PRKD1: variants seen among roughly 807,000 people sequenced by gnomAD.
PRKD1 encodes serine/threonine-protein kinase D1.
In PRKD1, 63 loss-of-function variants were observed where a neutral mutation model predicts 95.9. The ratio of observed to expected loss-of-function variants is 0.66; its 90% CI spans 0.54 to 0.81. PRKD1 has a LOEUF of 0.81. Among genes scored for constraint, PRKD1 ranks in the 30% least tolerant of loss-of-function variants. The pLI is 0.00. For missense variants in PRKD1, 1,048 were observed against 1,165.3 expected (o/e 0.90, Z 1.47); for synonymous variants, 425 against 423.1 (o/e 1.00, Z -0.05).
chr14:29,585,522 A>G (rs536159911), intron 16 of PRKD1, among the ~76,000 whole-genome samples: 2 of 152,320 alleles, frequency 1.3e-5, no homozygotes, highest in African/African-American at 4.8e-5. Flanking sequence ...AGCAGCCTCC[A>G]AACTGAAGCC....
intron 1 of PRKD1, among the ~76,000 whole-genome samples, chr14:29,869,178 C>A (rs1448117930): frequency 6.6e-6 from 1 of 152,146 alleles, no homozygotes; most frequent in Admixed American, 6.5e-5. Context: ...TGTGGTGGCT[C>A]ATGCCTGTAA....
At chr14:29,812,786 A>T (rs948982219) in intron 1 of PRKD1, among the ~76,000 whole-genome samples, 5 of 152,196 alleles carry the variant, frequency 3.3e-5, no homozygotes, top group African/African-American at 9.7e-5. Flanking sequence ...CACAGAGCCA[A>T]ACCATATCAG....
intron 1 of PRKD1, among the ~76,000 whole-genome samples, chr14:29,748,194 T>G (rs1379282736): frequency 2.6e-5 from 4 of 152,232 alleles, no homozygotes; most frequent in African/African-American, 9.6e-5. Flanking sequence ...CTATAATTTA[T>G]TGAATGTATG....
chr14:29,871,916 T>TA (rs1357635338), intron 1 of PRKD1, among the ~76,000 whole-genome samples: 3 of 152,190 alleles, frequency 2.0e-5, no homozygotes, highest in African/African-American at 7.2e-5. Context: ...CTAATCCAGT[T>TA]AAAGTGATGA....
intron 1 of PRKD1, among the ~76,000 whole-genome samples, chr14:29,923,328 G>A (rs1268184923): frequency 6.6e-6 from 1 of 151,702 alleles, no homozygotes; most frequent in African/African-American, 2.4e-5. Flanking sequence ...TATAAAATTG[G>A]AATAAAAATA....
At chr14:29,908,032 T>A (rs868491696) in intron 1 of PRKD1, among the ~76,000 whole-genome samples, 1 of 152,244 alleles carries the variant, frequency 6.6e-6, no homozygotes, top group South Asian at 2.1e-4. Context: ...TAGATATATT[T>A]CATATGTAGT....
At chr14:29,923,815 A>AC (rs1197211678) in intron 1 of PRKD1, among the ~76,000 whole-genome samples, 3 of 150,736 alleles carry the variant, frequency 2.0e-5, no homozygotes, top group Admixed American at 2.0e-4. Flanking sequence ...TTGAGGAAAA[A>AC]AAAAAAAAAA....
chr14:29,711,523 A>C (rs1214637455), intron 2 of PRKD1, among the ~76,000 whole-genome samples: 1 of 152,258 alleles, frequency 6.6e-6, no homozygotes, highest in East Asian at 1.9e-4. Context: ...AAACGGGGAG[A>C]TTCACATAAT....
At position 29,877,604 on chromosome 14, in the gene PRKD1, G is replaced by A. The variant is rs368888175; in HGVS notation, c.264+49645C>T. 2.6e-5 allele frequency among the ~76,000 whole-genome samples: 4 copies of A among 152,166 alleles called. No individual in the cohort carries two copies. In the East Asian group the frequency reaches 5.8e-4, roughly 22 times the overall value. On this transcript the variant is annotated intron_variant, in intron 1 of 17. Coordinates refer to ENST00000331968, the MANE Select transcript of PRKD1 (RefSeq NM_002742.3). ...ATGGCATTGCCAAGGTTGTCTTCCA[G>A]GGTTTTTATAGTTTTGTTTTACATT...
chr14:29,913,097 G>C (rs1002769329), intron 1 of PRKD1, among the ~76,000 whole-genome samples: 2 of 152,180 alleles, frequency 1.3e-5, no homozygotes, highest in African/African-American at 4.8e-5. Flanking sequence ...AATTCTAAAT[G>C]TTAGTTGTCT....
intron 1 of PRKD1, among the ~76,000 whole-genome samples, chr14:29,763,748 T>TA (rs879412486): frequency 6.6e-6 from 1 of 152,114 alleles, no homozygotes; most frequent in African/African-American, 2.4e-5. Flanking sequence ...ACTGAGCACT[T>TA]AAAGACTCCT....
chr14:29,898,307 G>T (rs1425029831), intron 1 of PRKD1, among the ~76,000 whole-genome samples: 7 of 151,968 alleles, frequency 4.6e-5, no homozygotes, highest in African/African-American at 1.4e-4. Context: ...TTTTTAAAAA[G>T]AATACTTTTT....
At chr14:29,664,220 C>T (rs1218115722) in intron 3 of PRKD1, among the ~76,000 whole-genome samples, 1 of 152,186 alleles carries the variant, frequency 6.6e-6, no homozygotes, top group African/African-American at 2.4e-5. Context: ...ATATTAATCA[C>T]AGCACATCAC....
intron 9 of PRKD1, among the ~76,000 whole-genome samples, chr14:29,632,613 C>T (rs1361020155): frequency 1.3e-5 from 2 of 152,012 alleles, no homozygotes; most frequent in East Asian, 1.9e-4. Context: ...AATTAATCTT[C>T]ACCTCCCTCC....
At chr14:29,875,974 C>T (rs1452635984) in intron 1 of PRKD1, among the ~76,000 whole-genome samples, 5 of 152,144 alleles carry the variant, frequency 3.3e-5, no homozygotes, top group African/African-American at 9.7e-5. Flanking sequence ...TGTATGAGTG[C>T]TGGTGCCCTG....
chr14:29,891,835 G>A (rs765717963), intron 1 of PRKD1, among the ~76,000 whole-genome samples: 38 of 152,126 alleles, frequency 2.5e-4, no homozygotes, highest in Non-Finnish European at 4.3e-4. Context: ...GAATTTATAT[G>A]TAGCTAACTA....
At chr14:29,761,695 G>C (rs1468148933) in intron 1 of PRKD1, among the ~76,000 whole-genome samples, 1 of 151,832 alleles carries the variant, frequency 6.6e-6, no homozygotes. Flanking sequence ...TTTTAGAAAA[G>C]CATCCTCCCT....
intron 1 of PRKD1, among the ~76,000 whole-genome samples, chr14:29,913,710 T>A (rs1894796995): frequency 6.6e-6 from 1 of 152,208 alleles, no homozygotes; most frequent in African/African-American, 2.4e-5. Flanking sequence ...AGTTAATCAG[T>A]TATTTCTGAG....
intron 1 of PRKD1, among the ~76,000 whole-genome samples, chr14:29,737,298 C>T (rs1439049831): frequency 1.6e-5 from 2 of 127,282 alleles, no homozygotes; most frequent in African/African-American, 6.1e-5. Flanking sequence ...GTCCGCAGTC[C>T]GGCCTGGGCG....
Sources: gnomAD v4.1 joint callset for allele counts (sites outside exome capture counted in the v4.1 genomes callset) on GRCh38, gnomAD v4.1.1 for gene constraint, MANE v1.5 for transcripts, NCBI Gene and HGNC (gene_info 2026-07-23, HGNC 2026-07-21) for gene names.